The following PREX2 variants were observed in gnomAD, a reference collection of about 807,000 sequenced individuals.
PREX2 encodes the protein phosphatidylinositol-3,4,5-trisphosphate dependent Rac exchange factor 2.
A neutral mutation model predicts 203.2 loss-of-function variants in PREX2; 107 were observed. That is an observed-to-expected ratio of 0.53 (90% confidence interval 0.45 to 0.62). The LOEUF (loss-of-function observed/expected upper bound fraction) is 0.62, where lower values mean the gene tolerates loss of function less well. Among genes scored for constraint, PREX2 ranks in the 20% least tolerant of loss-of-function variants. The probability of loss-of-function intolerance (pLI) is 0.00; values close to 1 mark genes in which losing one functional copy is unlikely to be tolerated. For synonymous variants in PREX2, 672 were observed against 663.6 expected (o/e 1.01, Z -0.19); for missense variants, 1,777 against 1,955.9 (o/e 0.91, Z 1.72).
At chr8:68,138,310 A>G (rs1811152793) in intron 32 of PREX2, 105 bp from the exon 33 acceptor site, 1 of 513,338 alleles carries the variant, frequency 1.9e-6, no homozygotes, top group Admixed American at 3.6e-5. Context: ...CCTGTATATA[A>G]ATAAAACACA....
At position 68,027,592 on chromosome 8, in the gene PREX2, T is replaced by C. The variant is rs1240732141; in HGVS notation, c.543+269T>C. On this transcript the variant is annotated intron_variant, in intron 5 of 39. Transcript: ENST00000288368. ...TAGAGGAAATGCATTAGCTTCAAGATAGATCCCATTAAGTTCATTATGACT... is the reference window on the plus strand; with the variant it reads ...TAGAGGAAATGCATTAGCTTCAAGACAGATCCCATTAAGTTCATTATGACT... Among the ~76,000 whole-genome samples the C allele has an allele frequency of 3.9e-5, 6 of 152,112 alleles. No homozygotes were observed. In the South Asian group the frequency reaches 6.2e-4, roughly 16 times the overall value.
chr8:68,139,965 T>C (rs1240800737), intron 33 of PREX2, among the ~76,000 whole-genome samples: 1 of 152,192 alleles, frequency 6.6e-6, no homozygotes, highest in Non-Finnish European at 1.5e-5. Flanking sequence ...CAGAGAGAAC[T>C]CTATTTTTGT....
chr8:68,161,066 T>C (rs542196023), intron 35 of PREX2, among the ~76,000 whole-genome samples: 2 of 152,188 alleles, frequency 1.3e-5, no homozygotes, highest in African/African-American at 4.8e-5. Context: ...TATAACCTTT[T>C]AAAATTTTCT....
chr8:67,952,199 C>T lies in PREX2; in HGVS notation c.-196C>T, dbSNP rs966592055. 4 of 424,934 alleles carry T rather than the reference C, an allele frequency of 9.4e-6. No individual in the cohort carries two copies. The highest frequency in any genetic ancestry group is 8.4e-5 in the East Asian group (2 of 23,730). The allele number at this position is 424,934 out of a possible 1,614,324, so 26.3% of individuals were successfully genotyped here. ...TTTCCTCTGCAGAGCCCCGCGCCCCCCGCGCCGGGATTTCAGCCCGATCCC... is the reference window on the plus strand; with the variant it reads ...TTTCCTCTGCAGAGCCCCGCGCCCCTCGCGCCGGGATTTCAGCCCGATCCC... On this transcript the variant is annotated 5_prime_UTR_variant, in exon 1 of 40. Transcript: ENST00000288368.
At chr8:68,200,474 T>C (rs1280930727) in intron 37 of PREX2, among the ~76,000 whole-genome samples, 1 of 152,058 alleles carries the variant, frequency 6.6e-6, no homozygotes, top group Non-Finnish European at 1.5e-5. Flanking sequence ...TACAGGTAAA[T>C]TGTTAAAATT....
rs184339505 is a variant in PREX2 at position 68,115,927 on chromosome 8, T to C, written c.3321T>C (p.Ser1107=). The change falls in exon 26 of 40, where the codon TCT becomes TCC. Residue 1107 remains serine (S), a synonymous_variant. Coordinates refer to ENST00000288368, the MANE Select transcript of PREX2 (RefSeq NM_024870.4). ...ATGACACCATCAGCAACAGAGACTC[T>C]TACAGGTAATTCACTAATTCCTCAA... ...SGHDTISNRD[S]YSDCNSNRNS... 72 of 1,596,282 alleles carry C rather than the reference T, an allele frequency of 4.5e-5. 1 individual carries two copies. The East Asian group carries it at 8.3e-4, about 18-fold the overall frequency.
intron 22 of PREX2, 47 bp from the exon 23 acceptor site, chr8:68,099,635 T>C: frequency 6.4e-7 from 1 of 1,561,708 alleles, no homozygotes; most frequent in Non-Finnish European, 8.8e-7. Flanking sequence ...TGTGTGTCTG[T>C]ATGTGTGTTT....
chr8:68,165,817 CTA>C (rs1300658509), intron 35 of PREX2, among the ~76,000 whole-genome samples: 4 of 152,020 alleles, frequency 2.6e-5, no homozygotes, highest in African/African-American at 7.3e-5. Context: ...TTTGACTATT[CTA>C]TGTTAGGTGG....
chr8:68,087,449 C>CA (rs1809727097), intron 18 of PREX2, among the ~76,000 whole-genome samples: 1 of 152,152 alleles, frequency 6.6e-6, no homozygotes, highest in African/African-American at 2.4e-5. Context: ...ATCACTGGGA[C>CA]AGAGAGATTG....
chr8:68,231,223 T>C (rs1178019751), intron 39 of PREX2, 110 bp from the exon 40 acceptor site: 3 of 724,024 alleles, frequency 4.1e-6, no homozygotes, highest in Non-Finnish European at 6.2e-6. Context: ...AATCCGATCA[T>C]GACTCACGAA....
At chr8:68,170,773 T>C (rs1186894558) in intron 35 of PREX2, among the ~76,000 whole-genome samples, 2 of 152,170 alleles carry the variant, frequency 1.3e-5, no homozygotes, top group Admixed American at 1.3e-4. Context: ...ACCTAAGTCT[T>C]TCCTTTTTAG....
In PREX2 at chr8:68,105,681, T is replaced by TATATA. The variant is rs57440333; in HGVS notation, c.2716-2428_2716-2427insATATA. The TATATA allele has an allele frequency of 3.0e-4, 77 of 254,916 alleles. 1 individual carries two copies. The highest frequency in any genetic ancestry group is 4.3e-4 in the South Asian group (3 of 6,948). 15.8% of individuals were successfully genotyped at this position (254,916 alleles called of 1,614,324 possible). A position where few individuals can be genotyped will look rare whatever the true frequency, so the allele number is the denominator to read the frequency against. On this transcript the variant is annotated intron_variant, in intron 23 of 39. Transcript: ENST00000288368. Reference sequence around the variant, plus strand: ...AAATGACAGACCATATATATATGGATTATATATATATATATATATGGATAT... The same window carrying TATATA: ...AAATGACAGACCATATATATATGGATATATATATATATATATATATATATGGATAT...
intron 31 of PREX2, among the ~76,000 whole-genome samples, chr8:68,132,414 A>G (rs910723695): frequency 2.0e-5 from 3 of 151,974 alleles, no homozygotes; most frequent in African/African-American, 7.2e-5. Flanking sequence ...ACATTCCACC[A>G]TTTTAACCTA....
chr8:68,197,585 T>C (rs1585858902), intron 37 of PREX2, among the ~76,000 whole-genome samples: 2 of 151,956 alleles, frequency 1.3e-5, no homozygotes, highest in Admixed American at 1.3e-4. Context: ...AAAGGCCCCA[T>C]CTCTTAATAT....
At chr8:68,098,938 G>GTATGTATATATATA (rs1554577009) in intron 22 of PREX2, among the ~76,000 whole-genome samples, 3 of 109,806 alleles carry the variant, frequency 2.7e-5, no homozygotes, top group South Asian at 3.1e-4. Context: ...ATATATATGT[G>GTATGTATATATATA]TATATATATA....
At chr8:68,228,614 A>G (rs1813098460) in intron 39 of PREX2, among the ~76,000 whole-genome samples, 1 of 151,996 alleles carries the variant, frequency 6.6e-6, no homozygotes, top group Non-Finnish European at 1.5e-5. Context: ...TATAAAAAAA[A>G]AATTAGCTGG....
intron 7 of PREX2, among the ~76,000 whole-genome samples, 170 bp downstream of exon 7, chr8:68,038,462 G>T (rs1808100203): frequency 6.6e-6 from 1 of 152,050 alleles, no homozygotes; most frequent in Non-Finnish European, 1.5e-5. Flanking sequence ...CTGCTCACTG[G>T]TTGTTCACTT....
intron 35 of PREX2, among the ~76,000 whole-genome samples, chr8:68,165,256 A>G (rs1263486983): frequency 6.6e-6 from 1 of 152,048 alleles, no homozygotes; most frequent in Non-Finnish European, 1.5e-5. Context: ...ACATGTTTAT[A>G]ATCTCAGTAC....
chr8:68,210,237 C>T (rs544769734), intron 37 of PREX2, among the ~76,000 whole-genome samples: 3 of 152,224 alleles, frequency 2.0e-5, no homozygotes, highest in South Asian at 4.1e-4. Context: ...TTACATTTCC[C>T]ATTTGTAATT....
Sources: allele counts gnomAD v4.1 joint callset (sites outside exome capture counted in the v4.1 genomes callset), GRCh38; gene constraint gnomAD v4.1.1; transcripts MANE v1.5; gene names NCBI Gene and HGNC (gene_info 2026-07-23, HGNC 2026-07-21).